WWOX: variants seen among roughly 807,000 people sequenced by gnomAD.
WWOX encodes WW domain-containing oxidoreductase.
In WWOX, 69 loss-of-function variants were observed where a neutral mutation model predicts 46.2. The observed-to-expected ratio is 1.49, with a 90% confidence interval of 1.23 to 1.82. The LOEUF is 1.82. Ranked by LOEUF, WWOX falls within the 40% of genes most tolerant of loss-of-function variation. The probability of loss-of-function intolerance (pLI) is 0.00; values close to 1 mark genes in which losing one functional copy is unlikely to be tolerated. For missense variants in WWOX, 919 were observed against 542.6 expected (o/e 1.69, Z -6.89); for synonymous variants, 359 against 202.6 (o/e 1.77, Z -6.56).
At chr16:78,976,214 A>G (rs1256549807) in intron 8 of WWOX, among the ~76,000 whole-genome samples, 4 of 152,220 alleles carry the variant, frequency 2.6e-5, no homozygotes, top group Admixed American at 2.0e-4. Flanking sequence ...TGAATGAATG[A>G]AAGTTTTTTT....
At chr16:78,118,533 C>G (rs1420113145) in intron 4 of WWOX, among the ~76,000 whole-genome samples, 1 of 152,130 alleles carries the variant, frequency 6.6e-6, no homozygotes, top group African/African-American at 2.4e-5. Flanking sequence ...CACAGCCATG[C>G]CCATTTATTC....
At chr16:78,540,020 T>TCTCTCTCTCTCTCACACA (rs369075883) in intron 8 of WWOX, among the ~76,000 whole-genome samples, 37 of 132,922 alleles carry the variant, frequency 2.8e-4, no homozygotes, top group African/African-American at 1.1e-3. Flanking sequence ...TCTCTCTCTC[T>TCTCTCTCTCTCTCACACA]CACACACACA....
At chr16:78,376,927 A>C (rs902217909) in intron 5 of WWOX, among the ~76,000 whole-genome samples, 1 of 152,214 alleles carries the variant, frequency 6.6e-6, no homozygotes, top group Non-Finnish European at 1.5e-5. Flanking sequence ...TTGAACCAGA[A>C]CAGACAAATC....
chr16:79,157,879 G>T (rs892607351), intron 8 of WWOX, among the ~76,000 whole-genome samples: 79 of 152,310 alleles, frequency 5.2e-4, no homozygotes, highest in African/African-American at 1.8e-3. Context: ...AGTTCAGCAG[G>T]CTCTGGGGAA....
chr16:78,697,320 A>G (rs1232271853), intron 8 of WWOX, among the ~76,000 whole-genome samples: 2 of 152,168 alleles, frequency 1.3e-5, no homozygotes, highest in Admixed American at 6.5e-5. Context: ...ATTCACGCCA[A>G]TATCTATTAT....
chr16:78,100,319 C>A, intron 1 of WWOX: 2 of 909,724 alleles, frequency 2.2e-6, no homozygotes, highest in Non-Finnish European at 2.7e-6. Context: ...GGGGTGCCAT[C>A]ATAGCCCACT....
chr16:78,827,249 T>C (rs2051682911), intron 8 of WWOX, among the ~76,000 whole-genome samples: 1 of 152,176 alleles, frequency 6.6e-6, no homozygotes, highest in Admixed American at 6.5e-5. Context: ...CAGATGTTAA[T>C]TGCTCACTGT....
At chr16:78,417,824 C>A (rs1257710974) in intron 6 of WWOX, among the ~76,000 whole-genome samples, 1 of 152,124 alleles carries the variant, frequency 6.6e-6, no homozygotes, top group African/African-American at 2.4e-5. Flanking sequence ...TTGTAGTGGG[C>A]ACCCTATGTG....
intron 8 of WWOX, among the ~76,000 whole-genome samples, chr16:78,674,580 C>T (rs2047546894): frequency 6.6e-6 from 1 of 152,120 alleles, no homozygotes; most frequent in Non-Finnish European, 1.5e-5. Flanking sequence ...CCACAGCACC[C>T]AGCCAGAACT....
intron 5 of WWOX, among the ~76,000 whole-genome samples, chr16:78,250,687 G>A (rs1372600834): frequency 1.3e-5 from 2 of 152,088 alleles, no homozygotes; most frequent in Non-Finnish European, 2.9e-5. Flanking sequence ...CAGTGATGGC[G>A]GGCTGGATAG....
intron 8 of WWOX, among the ~76,000 whole-genome samples, chr16:78,496,821 C>A (rs1442199846): frequency 6.6e-6 from 1 of 152,222 alleles, no homozygotes; most frequent in Non-Finnish European, 1.5e-5. Context: ...ATGGAGAAGT[C>A]ACTCCAACTT....
chr16:78,932,859 C>G (rs2045654188), intron 8 of WWOX, among the ~76,000 whole-genome samples: 1 of 152,156 alleles, frequency 6.6e-6, no homozygotes, highest in Non-Finnish European at 1.5e-5. Flanking sequence ...GTCATCTGGC[C>G]CAGCACCCTT....
chr16:78,444,057 A>G (rs543280702), intron 8 of WWOX, among the ~76,000 whole-genome samples: 2 of 152,320 alleles, frequency 1.3e-5, no homozygotes, highest in East Asian at 1.9e-4. Context: ...TTTTCCTAGC[A>G]AAAACAAAGA....
At chr16:78,594,209 C>G (rs1012017321) in intron 8 of WWOX, among the ~76,000 whole-genome samples, 4 of 152,012 alleles carry the variant, frequency 2.6e-5, no homozygotes, top group Admixed American at 1.3e-4. Context: ...ACCCCATATA[C>G]GAAGCAAACC....
At chr16:78,788,451 C>G (rs1029026264) in intron 8 of WWOX, among the ~76,000 whole-genome samples, 4 of 152,204 alleles carry the variant, frequency 2.6e-5, no homozygotes, top group African/African-American at 9.6e-5. Context: ...GAGAGTCAGT[C>G]CTGCCTTATG....
chr16:78,148,335 G>T (rs573105337), intron 4 of WWOX, among the ~76,000 whole-genome samples: 2 of 152,140 alleles, frequency 1.3e-5, no homozygotes, highest in Non-Finnish European at 2.9e-5. Flanking sequence ...TCATTGGTTA[G>T]TTAACAAAAG....
intron 8 of WWOX, among the ~76,000 whole-genome samples, chr16:78,695,139 A>C (rs954998378): frequency 6.6e-6 from 1 of 152,176 alleles, no homozygotes; most frequent in Non-Finnish European, 1.5e-5. Flanking sequence ...AGGTTTCATA[A>C]ATTTCAAATG....
intron 8 of WWOX, among the ~76,000 whole-genome samples, chr16:78,598,899 A>G (rs544310128): frequency 3.9e-5 from 6 of 152,258 alleles, no homozygotes; most frequent in Admixed American, 3.9e-4. Context: ...AACACATGAC[A>G]CCAATAGCTC....
intron 8 of WWOX, among the ~76,000 whole-genome samples, chr16:78,516,664 G>A (rs564473134): frequency 1.2e-4 from 19 of 152,048 alleles, no homozygotes; most frequent in African/African-American, 3.6e-4. Context: ...CCCTTCACAC[G>A]TGCCTGCAGG....
Sources: allele counts gnomAD v4.1 joint callset (sites outside exome capture counted in the v4.1 genomes callset), GRCh38; gene constraint gnomAD v4.1.1; transcripts MANE v1.5; gene names NCBI Gene and HGNC (gene_info 2026-07-23, HGNC 2026-07-21).